Variants in KLF3 observed in about 807,000 individuals in gnomAD.
KLF3 encodes the protein KLF transcription factor 3, also known as Krueppel-like factor 3.
KLF3 carries 6 observed loss-of-function variants against 32.7 expected under a neutral mutation model. That is an observed-to-expected ratio of 0.18 (90% CI 0.10 to 0.36). The LOEUF is 0.36. Among genes scored for constraint, KLF3 ranks in the 10% least tolerant of loss-of-function variants. KLF3 has a pLI of 1.00. For missense variants in KLF3, 338 were observed against 449.7 expected, an observed-to-expected ratio of 0.75 and a Z score of 2.25; for synonymous variants, 145 against 172.8, an observed-to-expected ratio of 0.84 and a Z score of 1.26.
At chr4:38,694,413 C>T (rs1722988687) in intron 4 of KLF3, among the ~76,000 whole-genome samples, 1 of 152,196 alleles carries the variant, frequency 6.6e-6, no homozygotes, top group Admixed American at 6.5e-5. Context: ...GTGCCTGCCT[C>T]TAGCATAGCA....
At chr4:38,673,267 A>G (rs974892146) in intron 1 of KLF3, among the ~76,000 whole-genome samples, 20 of 151,804 alleles carry the variant, frequency 1.3e-4, no homozygotes, top group South Asian at 6.2e-4. Flanking sequence ...GTCCCTCCCA[A>G]CCTCCCACTC....
In KLF3 at chr4:38,697,930, G is replaced by A. The variant is rs1281766861; in HGVS notation, c.*667G>A. On this transcript the variant is annotated 3_prime_UTR_variant, in exon 6 of 6. Coordinates refer to ENST00000261438, the MANE Select transcript of KLF3 (RefSeq NM_016531.6). ...TTTCGATCTAGGTGGGTGATGTGTA[G>A]CAGTTCAAGGGAAGGGTGCTGTGTT... The A allele has an allele frequency of 1.3e-5, 2 of 152,224 alleles. No individual in the cohort carries two copies. The highest frequency in any genetic ancestry group is 4.8e-5 in the African/African-American group (2 of 41,428). 9.4% of individuals were successfully genotyped at this position (152,224 alleles called of 1,614,324 possible). A position where few individuals can be genotyped will look rare whatever the true frequency, so the allele number is the denominator to read the frequency against.
intron 2 of KLF3, among the ~76,000 whole-genome samples, chr4:38,685,362 CAGTT>C (rs939311633): frequency 5.1e-4 from 77 of 152,202 alleles, no homozygotes; most frequent in African/African-American, 1.6e-3. Context: ...TCTCTCCCCA[CAGTT>C]AGTCTTGTAC....
rs953266295 is a variant in KLF3 at position 38,694,045 on chromosome 4, T to A, written c.696-701T>A. Among the ~76,000 whole-genome samples, 65 of 152,174 alleles carry A rather than the reference T, an allele frequency of 4.3e-4. 3 individuals carry two copies. The highest frequency in any genetic ancestry group is 1.5e-5 in the Non-Finnish European group (1 of 68,032). ...CATCATGGGTGACCACAACACTACA[T>A]TGAAATTCTCCCTCATACAGGAATC... is the stretch of plus-strand genomic sequence containing the variant. On this transcript the variant is annotated intron_variant, in intron 4 of 5. Transcript: ENST00000261438.
At chr4:38,675,288 T>C (rs1330158664) in intron 1 of KLF3, among the ~76,000 whole-genome samples, 1 of 152,212 alleles carries the variant, frequency 6.6e-6, no homozygotes, top group Non-Finnish European at 1.5e-5. Flanking sequence ...TGGCATTTGC[T>C]CCAGTTATGG....
At chr4:38,686,477 T>A (rs144867762) in intron 2 of KLF3, among the ~76,000 whole-genome samples, 70 of 151,788 alleles carry the variant, frequency 4.6e-4, no homozygotes, top group African/African-American at 1.7e-3. Context: ...AAGAAAATTC[T>A]TTTTCCCTCC....
In KLF3 at chr4:38,688,858, T is replaced by C. The variant is rs752385388; in HGVS notation, c.331T>C (p.Ser111Pro). ...ACCGATAAAAAAATACTCACCCCCTTCTCCAGGCGTGCAGCCCTTCGGCGT... is the reference window on the plus strand; with the variant it reads ...ACCGATAAAAAAATACTCACCCCCTCCTCCAGGCGTGCAGCCCTTCGGCGT... ...SPPIKKYSPP[S>P]PGVQPFGVPL... The change falls in exon 3 of 6, where the codon TCT becomes CCT. Residue 111 changes from serine (S) to proline (P), a missense_variant. Ser to Pro is a moderately conservative substitution (Grantham distance 74). Transcript: ENST00000261438. The surrounding 1 kb of genome is among the most constrained non-coding windows in gnomAD (Gnocchi z 4.9). 1.1e-5 allele frequency: 17 copies of C among 1,614,064 alleles called. No homozygotes were observed. Among genetic ancestry groups the C allele is most frequent in the Middle Eastern group, 1.6e-4 (1 of 6,062 alleles).
chr4:38,685,786 T>C (rs1200968459), intron 2 of KLF3, among the ~76,000 whole-genome samples: 1 of 152,208 alleles, frequency 6.6e-6, no homozygotes, highest in Admixed American at 6.5e-5. Flanking sequence ...ACCATTGCCC[T>C]TTGGAGAATT....
intron 1 of KLF3, among the ~76,000 whole-genome samples, chr4:38,678,111 T>C (rs1022481747): frequency 6.6e-6 from 1 of 152,136 alleles, no homozygotes; most frequent in Admixed American, 6.5e-5. Flanking sequence ...AGATACTCTC[T>C]AGTGGGATAG....
At chr4:38,695,055 G>C in intron 5 of KLF3, 149 bp downstream of exon 5, 1 of 693,842 alleles carries the variant, frequency 1.4e-6, no homozygotes, top group South Asian at 2.1e-5. Context: ...TGTGCAGAAT[G>C]AAGATATTGC....
chr4:38,691,248 C>G (rs1299124714), intron 4 of KLF3, among the ~76,000 whole-genome samples: 1 of 152,230 alleles, frequency 6.6e-6, no homozygotes, highest in Non-Finnish European at 1.5e-5. Context: ...GGCTTGATCT[C>G]CTGCTTCCGA....
At chr4:38,686,469 G>GAA (rs1295376316) in intron 2 of KLF3, among the ~76,000 whole-genome samples, 1 of 135,980 alleles carries the variant, frequency 7.4e-6, no homozygotes, top group Non-Finnish European at 1.6e-5. Context: ...AAAAAGAAAA[G>GAA]AAAATTCTTT....
rs1210315546 is a variant in KLF3, at chr4:38,700,213, TACAC to T, written c.*2952_*2955del. ...TATATTCAACTAGGGAGATGCTAAA[TACAC>T]AGAAGTTTCAAGAGCCTTGGAACAG... On this transcript the variant is annotated 3_prime_UTR_variant, in exon 6 of 6. Transcript: ENST00000261438. The T allele has an allele frequency of 6.6e-6, 1 of 152,222 alleles. No homozygotes were observed. Among genetic ancestry groups the T allele is most frequent in the Non-Finnish European group, 1.5e-5 (1 of 68,038 alleles). The allele number at this position is 152,222 out of a possible 1,614,324, so 9.4% of individuals were successfully genotyped here.
In KLF3 at chr4:38,688,866, C is replaced by A; in HGVS notation, c.339C>A (p.Gly113=). The change falls in exon 3 of 6, where the codon GGC becomes GGA. Residue 113 remains glycine, a synonymous_variant. Coordinates refer to ENST00000261438, the MANE Select transcript of KLF3 (RefSeq NM_016531.6). This position sits in a 1 kb window ranked among gnomAD's most constrained non-coding sequence, Gnocchi z 4.9. ...PIKKYSPPSP[G]VQPFGVPLSM... Reference sequence around the variant, plus strand: ...AAAAATACTCACCCCCTTCTCCAGGCGTGCAGCCCTTCGGCGTGCCGCTGT... The same window carrying A: ...AAAAATACTCACCCCCTTCTCCAGGAGTGCAGCCCTTCGGCGTGCCGCTGT... The A allele has an allele frequency of 6.2e-7, 1 of 1,614,258 alleles. No individual in the cohort carries two copies. Among genetic ancestry groups the A allele is most frequent in the South Asian group, 1.1e-5 (1 of 91,086 alleles).
intron 5 of KLF3, among the ~76,000 whole-genome samples, chr4:38,696,313 A>G (rs1201542372): frequency 2.0e-5 from 3 of 152,144 alleles, no homozygotes; most frequent in Non-Finnish European, 4.4e-5. Context: ...TCTAGAGAAC[A>G]AAGGGTGTTA....
rs537640792 is a variant in KLF3, at chr4:38,691,636, G to A, written c.695+1757G>A. ...TCAAAAGAAAATACTTTTATTTTAA[G>A]TAATATTCTTTTGATGATCTCAAGC... On this transcript the variant is annotated intron_variant, in intron 4 of 5. Coordinates refer to ENST00000261438, the MANE Select transcript of KLF3 (RefSeq NM_016531.6). Among the ~76,000 whole-genome samples, 3 of 152,322 alleles carry A rather than the reference G, an allele frequency of 2.0e-5. No individual in the cohort carries two copies. The East Asian group carries it at 5.8e-4, about 29-fold the overall frequency.
intron 1 of KLF3, among the ~76,000 whole-genome samples, chr4:38,670,234 C>G (rs538477581): frequency 1.3e-5 from 2 of 152,284 alleles, no homozygotes; most frequent in South Asian, 2.1e-4. Context: ...TACCCTGTTT[C>G]CTGTAAGGGG....
intron 1 of KLF3, among the ~76,000 whole-genome samples, chr4:38,666,584 A>G (rs574319239): frequency 6.6e-6 from 1 of 152,296 alleles, no homozygotes; most frequent in Non-Finnish European, 1.5e-5. Context: ...AGAAATTAGT[A>G]CTCTGGTGTA....
In KLF3 at chr4:38,689,862, G is replaced by A. The variant is rs61750339; in HGVS notation, c.678G>A (p.Pro226=). The A allele has an allele frequency of 1.1e-4, 183 of 1,599,636 alleles. 1 individual carries two copies. The highest frequency in any genetic ancestry group is 6.6e-4 in the Middle Eastern group (4 of 6,020). The change falls in exon 4 of 6, where the codon CCG becomes CCA. Residue 226 remains proline, a synonymous_variant. Transcript: ENST00000261438. ...CCTTAATGAACTCAGTGTCCCCCCC[G>A]CAAGCATTGTTGCAAGAGTAAGTAT... ...SPPLMNSVSP[P]QALLQENHPS...
Sources: gnomAD v4.1 joint callset for allele counts (sites outside exome capture counted in the v4.1 genomes callset) on GRCh38, gnomAD v4.1.1 for gene constraint, Gnocchi (gnomAD v3.1) non-coding constraint, MANE v1.5 for transcripts, NCBI Gene and HGNC (gene_info 2026-07-23, HGNC 2026-07-21) for gene names.